Variants in DPP10 observed in about 807,000 individuals in gnomAD.
DPP10 encodes the protein dipeptidyl peptidase like 10.
A neutral mutation model predicts 120.9 loss-of-function variants in DPP10; 33 were observed. The observed-to-expected ratio is 0.27, with a 90% confidence interval of 0.21 to 0.37. DPP10 has a LOEUF of 0.37. Ranked by LOEUF, DPP10 falls within the 10% of genes least tolerant of loss-of-function variation. The pLI, the probability that DPP10 is intolerant of heterozygous loss-of-function variation, is 1.00. For synonymous variants in DPP10, 337 were observed against 326.1 expected (o/e 1.03, Z -0.36); for missense variants, 816 against 942.8 (o/e 0.87, Z 1.76).
At chr2:115,802,253 T>C (rs1685342377) in intron 19 of DPP10, among the ~76,000 whole-genome samples, 1 of 152,218 alleles carries the variant, frequency 6.6e-6, no homozygotes, top group Admixed American at 6.5e-5. Flanking sequence ...GACGGTAGTT[T>C]GTATTTCTGT....
chr2:115,815,681 G>A lies in DPP10; in HGVS notation c.1902G>A (p.Leu634=), dbSNP rs1195682459. Residue 634 remains leucine (L), a synonymous_variant, in exon 21 of 26, where the codon TTG becomes TTA. Transcript: ENST00000410059. ...TTTTTCGTTTTCATTGCAGATTTTT[G>A]CTGAAACTGCCTTACATTGACTCCA... ...VKDQITAVKF[L]LKLPYIDSKR... The A allele has an allele frequency of 6.3e-7, 1 of 1,597,972 alleles. No individual in the cohort carries two copies. The highest frequency in any genetic ancestry group is 8.5e-7 in the Non-Finnish European group (1 of 1,171,638).
chr2:114,475,833 C>T (rs997615360), intron 1 of DPP10, among the ~76,000 whole-genome samples: 1 of 152,116 alleles, frequency 6.6e-6, no homozygotes, highest in Non-Finnish European at 1.5e-5. Flanking sequence ...GTGGGTGGAT[C>T]AATAGGAACT....
intron 5 of DPP10, chr2:115,579,499 G>A (rs1575231551): frequency 6.6e-6 from 1 of 152,330 alleles, no homozygotes; most frequent in Middle Eastern, 3.4e-3. Flanking sequence ...TGATGTAGCA[G>A]AAGGAAAGCA....
At chr2:115,279,450 T>C (rs552367365) in intron 1 of DPP10, among the ~76,000 whole-genome samples, 105 of 152,196 alleles carry the variant, frequency 6.9e-4, no homozygotes, top group African/African-American at 2.3e-3. Flanking sequence ...AACTGCTTGT[T>C]ATTGGTCTCT....
intron 1 of DPP10, among the ~76,000 whole-genome samples, chr2:114,999,291 T>C (rs1054212923): frequency 1.3e-5 from 2 of 152,100 alleles, no homozygotes; most frequent in African/African-American, 4.8e-5. Context: ...GAGAGAGGTT[T>C]CATCAATACA....
chr2:115,611,756 G>A (rs2149252717), intron 5 of DPP10, among the ~76,000 whole-genome samples: 1 of 152,220 alleles, frequency 6.6e-6, no homozygotes, highest in African/African-American at 2.4e-5. Context: ...GAAGCTCTGT[G>A]TTAGCCTACC....
At chr2:114,740,720 A>G (rs79554692) in intron 1 of DPP10, among the ~76,000 whole-genome samples, 1,747 of 152,270 alleles carry the variant, frequency 0.011, 40 homozygotes, top group African/African-American at 0.039. Context: ...GAAAAATGAA[A>G]GGAAAATATA....
At chr2:115,587,241 G>A (rs2082352302) in intron 5 of DPP10, among the ~76,000 whole-genome samples, 2 of 151,806 alleles carry the variant, frequency 1.3e-5, no homozygotes, top group East Asian at 1.9e-4. Context: ...GGGACAACAG[G>A]CTCCCGCGAC....
At chr2:115,479,874 A>G (rs142252866) in intron 3 of DPP10, among the ~76,000 whole-genome samples, 1 of 152,282 alleles carries the variant, frequency 6.6e-6, no homozygotes, top group East Asian at 1.9e-4. Flanking sequence ...GTTAACTGAC[A>G]CTGACAAGGC....
chr2:114,862,387 G>A (rs992290698), intron 1 of DPP10, among the ~76,000 whole-genome samples: 3 of 151,964 alleles, frequency 2.0e-5, no homozygotes, highest in Non-Finnish European at 4.4e-5. Flanking sequence ...TCCAATGTTA[G>A]AACAGTGTGA....
chr2:114,781,099 A>C (rs1165260560), intron 1 of DPP10, among the ~76,000 whole-genome samples: 1 of 152,138 alleles, frequency 6.6e-6, no homozygotes, highest in African/African-American at 2.4e-5. Flanking sequence ...GTAGTTAGCA[A>C]AAATAGTTGG....
intron 1 of DPP10, among the ~76,000 whole-genome samples, chr2:114,694,313 C>T (rs986057821): frequency 6.6e-6 from 1 of 151,900 alleles, no homozygotes; most frequent in African/African-American, 2.4e-5. Flanking sequence ...CATTTCTCCC[C>T]TACATTTTAA....
chr2:115,101,597 G>A (rs2048695648), intron 1 of DPP10, among the ~76,000 whole-genome samples: 1 of 152,200 alleles, frequency 6.6e-6, no homozygotes, highest in Non-Finnish European at 1.5e-5. Context: ...AAAACAGGCA[G>A]CCTTTGCTGT....
At chr2:115,507,687 A>C (rs969321515) in intron 4 of DPP10, among the ~76,000 whole-genome samples, 1 of 152,140 alleles carries the variant, frequency 6.6e-6, no homozygotes, top group Non-Finnish European at 1.5e-5. Flanking sequence ...TTGTAGGTCA[A>C]GGTTTTATTT....
intron 5 of DPP10, among the ~76,000 whole-genome samples, chr2:115,670,011 G>A (rs2089742318): frequency 6.6e-6 from 1 of 152,116 alleles, no homozygotes; most frequent in South Asian, 2.1e-4. Flanking sequence ...TCATAGTTCT[G>A]CAGGCTGGGA....
chr2:115,244,857 A>ATGCACATATATATATACATATATAT (rs1386787641), intron 1 of DPP10, among the ~76,000 whole-genome samples: 1 of 144,738 alleles, frequency 6.9e-6, no homozygotes, highest in African/African-American at 2.6e-5. Flanking sequence ...ATATATATAT[A>ATGCACATATATATATACATATATAT]ATTTCATTAG....
chr2:115,704,419 A>G (rs1401099673), intron 7 of DPP10, among the ~76,000 whole-genome samples: 1 of 151,882 alleles, frequency 6.6e-6, no homozygotes, highest in Admixed American at 6.6e-5. Flanking sequence ...TTCTACCACT[A>G]ACTGAGGGGG....
chr2:115,793,693 A>G (rs1684235779), intron 19 of DPP10, among the ~76,000 whole-genome samples: 1 of 147,976 alleles, frequency 6.8e-6, no homozygotes, highest in African/African-American at 2.6e-5. Context: ...ATACAGGAAG[A>G]ATGAATGAAA....
Position 114,645,976 on chromosome 2 carries a change from A to G in DPP10, c.60+203138A>G, listed in dbSNP as rs184724389. On this transcript the variant is annotated intron_variant, in intron 1 of 25. Coordinates refer to ENST00000410059, the MANE Select transcript of DPP10 (RefSeq NM_020868.6). ...GGAGTTTGAGACCAGCCTGACCAAC[A>G]TGGTGAAACCCTGTCTCTACTAAAA... Among the ~76,000 whole-genome samples the G allele has an allele frequency of 5.3e-4, 81 of 152,178 alleles. 1 individual carries two copies. In the East Asian group the frequency reaches 0.015, roughly 27 times the overall value.
Sources: gnomAD v4.1 joint callset for allele counts (sites outside exome capture counted in the v4.1 genomes callset) on GRCh38, gnomAD v4.1.1 for gene constraint, MANE v1.5 for transcripts, NCBI Gene and HGNC (gene_info 2026-07-23, HGNC 2026-07-21) for gene names.